ZNF124: variants seen among roughly 807,000 people sequenced by gnomAD.
ZNF124 encodes zinc finger protein HZF-16.
Under a neutral mutation model 26.6 loss-of-function variants are expected in ZNF124, and 25 were observed. The observed-to-expected ratio is 0.94, with a 90% CI of 0.68 to 1.31. ZNF124 has a LOEUF of 1.31. Among genes scored for constraint, ZNF124 ranks in the 40% most tolerant of loss-of-function variants. The probability of loss-of-function intolerance (pLI) is 0.00; values close to 1 mark genes in which losing one functional copy is unlikely to be tolerated. For missense variants in ZNF124, 444 were observed against 422.2 expected (o/e 1.05, Z -0.45); for synonymous variants, 129 against 133.3 (o/e 0.97, Z 0.22).
intron 3 of ZNF124, among the ~76,000 whole-genome samples, chr1:247,141,607 T>G (rs1157601330): frequency 6.6e-6 from 1 of 152,106 alleles, no homozygotes; most frequent in African/African-American, 2.4e-5. Context: ...GGGGCTGTCA[T>G]ATGCCTCTGG....
At position 247,156,072 on chromosome 1, in the gene ZNF124, A is replaced by G. The variant is rs1460401969; in HGVS notation, c.*494T>C. On this transcript the variant is annotated 3_prime_UTR_variant, in exon 4 of 4. Transcript: ENST00000543802. The stretch of plus-strand genomic sequence containing the variant: ...CATAATATTTACATTTACAGGATTT[A>G]TTTCCAGTGGGAGTTTTCACATGAC... 3.1e-6 allele frequency: 3 copies of G among 974,962 alleles called. No individual in the cohort carries two copies. Among genetic ancestry groups the G allele is most frequent in the Non-Finnish European group, 3.7e-6 (3 of 820,522 alleles). The allele number at this position is 974,962 out of a possible 1,614,324, so 60.4% of individuals were successfully genotyped here.
chr1:247,143,457 A>G (rs1371967562), intron 3 of ZNF124, among the ~76,000 whole-genome samples: 3 of 152,052 alleles, frequency 2.0e-5, no homozygotes, highest in Non-Finnish European at 2.9e-5. Context: ...TGGTATTCTG[A>G]TCTACAGAAA....
chr1:247,152,750 G>GT (rs1001414320), downstream of ZNF124, among the ~76,000 whole-genome samples: 4 of 152,158 alleles, frequency 2.6e-5, no homozygotes, highest in Non-Finnish European at 4.4e-5. Flanking sequence ...TATACTGTCA[G>GT]TTTCTTGTAA....
chr1:247,132,272 A>C (rs1672385274), intron 3 of ZNF124, among the ~76,000 whole-genome samples: 1 of 151,690 alleles, frequency 6.6e-6, no homozygotes, highest in Admixed American at 6.6e-5. Flanking sequence ...CCCTCAGAAA[A>C]ACCCCATCCA....
At chr1:247,130,480 G>A (rs1490920578) in intron 3 of ZNF124, among the ~76,000 whole-genome samples, 9 of 152,318 alleles carry the variant, frequency 5.9e-5, no homozygotes, top group South Asian at 2.1e-4. Context: ...TGTGCCGAGC[G>A]GAGATTCTGT....
chr1:247,142,687 T>A (rs937132352), intron 3 of ZNF124, among the ~76,000 whole-genome samples: 11 of 152,200 alleles, frequency 7.2e-5, no homozygotes, highest in African/African-American at 2.4e-4. Flanking sequence ...TTCATTTTCT[T>A]ACACAGAATC....
rs189039219 is a variant in ZNF124 at position 247,157,000 on chromosome 1, A to G, written c.622T>C (p.Cys208Arg). The change falls in exon 4 of 4, where the codon TGT (cysteine) becomes CGT (arginine). Residue 208 changes from cysteine (C) to arginine (R), a missense_variant. Coordinates refer to ENST00000543802, the MANE Select transcript of ZNF124 (RefSeq NM_001297568.2). ...CGGAAGGCTTTCCCACAGTGCTTAC[A>G]TTCATAGGGTTTCTCTCCAGTATGA... ...RTHTGEKPYE[C>R]KHCGKAFRYS... 16 of 1,613,998 alleles carry G rather than the reference A, an allele frequency of 9.9e-6. No individual in the cohort carries two copies. In the Admixed American group the frequency reaches 1.5e-4, roughly 15 times the overall value.
intron 2 of ZNF124, 145 bp from the exon 3 acceptor site, chr1:247,159,211 G>C (rs1673337581): frequency 1.5e-6 from 1 of 676,488 alleles, no homozygotes; most frequent in Non-Finnish European, 2.4e-6. Flanking sequence ...CATTGTTTGT[G>C]TTATGGGTAC....
At position 247,156,933 on chromosome 1, in the gene ZNF124, C is replaced by A. The variant is rs768979801; in HGVS notation, c.689G>T (p.Gly230Val). The A allele has an allele frequency of 1.2e-6, 2 of 1,613,648 alleles. No homozygotes were observed. The highest frequency in any genetic ancestry group is 2.2e-5 in the South Asian group (2 of 91,068). The change falls in exon 4 of 4, where the codon GGA (glycine) becomes GTA (valine). Residue 230 changes from glycine (G) to valine (V), a missense_variant. Gly to Val is a moderately radical substitution (Grantham distance 109, BLOSUM62 -3). Coordinates refer to ENST00000543802, the MANE Select transcript of ZNF124 (RefSeq NM_001297568.2). The stretch of plus-strand genomic sequence containing the variant: ...TTCCATGCACACATAAGGTTTCTCT[C>A]CAGTGTGAGTTCTTTCATGGTAATG... The part of the protein sequence containing the change: ...CLHYHERTHT[G>V]EKPYVCMECG...
chr1:247,140,373 G>T (rs746831413), intron 3 of ZNF124, among the ~76,000 whole-genome samples: 3 of 152,104 alleles, frequency 2.0e-5, no homozygotes, highest in Non-Finnish European at 4.4e-5. Context: ...TTGTCTTTCA[G>T]CTCCAGTGAT....
chr1:247,134,372 A>T (rs11803835), intron 3 of ZNF124, among the ~76,000 whole-genome samples: 7,738 of 152,280 alleles, frequency 0.051, 237 homozygotes, highest in African/African-American at 0.078. Context: ...CTTATGTGCA[A>T]AGACACACAT....
chr1:247,123,964 G>T (rs1339974246), intron 3 of ZNF124: 1 of 697,172 alleles, frequency 1.4e-6, no homozygotes, highest in African/African-American at 1.8e-5. Flanking sequence ...TTTTAGCTGG[G>T]ACTACAGGCA....
intron 3 of ZNF124, among the ~76,000 whole-genome samples, chr1:247,133,868 G>T (rs1255276004): frequency 6.6e-6 from 1 of 151,884 alleles, no homozygotes; most frequent in Non-Finnish European, 1.5e-5. Context: ...AGTCAGGCTG[G>T]CCTCAAACTC....
chr1:247,152,127 C>A (rs1338838515), downstream of ZNF124, among the ~76,000 whole-genome samples: 7 of 149,434 alleles, frequency 4.7e-5, no homozygotes, highest in African/African-American at 1.7e-4. Flanking sequence ...TGGTGCTATC[C>A]ACTTAGGACA....
intron 3 of ZNF124, among the ~76,000 whole-genome samples, chr1:247,124,863 T>C (rs150229618): frequency 0.031 from 4,667 of 152,246 alleles, 250 homozygotes; most frequent in African/African-American, 0.11. Context: ...AGTGGTGTGA[T>C]CATGGCTTAC....
intron 3 of ZNF124, among the ~76,000 whole-genome samples, chr1:247,125,532 A>G (rs1172186043): frequency 1.5e-5 from 2 of 137,786 alleles, no homozygotes; most frequent in East Asian, 4.3e-4. Flanking sequence ...TCCCGTTTCA[A>G]GGGATTCTCC....
rs139033734 is a variant in ZNF124, at chr1:247,156,752, A to G, written c.870T>C (p.Tyr290=). 19 of 1,613,066 alleles carry G rather than the reference A, an allele frequency of 1.2e-5. No homozygotes were observed. Among genetic ancestry groups the G allele is most frequent in the South Asian group, 7.7e-5 (7 of 90,980 alleles). Residue 290 remains tyrosine (Y), a synonymous_variant, in exon 4 of 4, where the codon TAT becomes TAC. Transcript: ENST00000543802. ...HEKTHIAQKP[Y]VCNNCGKGFR... is the part of the protein sequence containing the mutation. ...AGCCTTTACCACAATTGTTACATACATAGGGTTTCTGTGCAATATGAGTTT... is the reference window on the plus strand; with the variant it reads ...AGCCTTTACCACAATTGTTACATACGTAGGGTTTCTGTGCAATATGAGTTT...
At chr1:247,146,341 A>G (rs2103109657) in intron 3 of ZNF124, among the ~76,000 whole-genome samples, 1 of 152,344 alleles carries the variant, frequency 6.6e-6, no homozygotes, top group East Asian at 1.9e-4. Context: ...CTTCTAGAAT[A>G]CATTATTTAT....
At chr1:247,124,081 G>T (rs1672148810) in intron 3 of ZNF124, among the ~76,000 whole-genome samples, 1 of 151,994 alleles carries the variant, frequency 6.6e-6, no homozygotes. Context: ...GCCCGCCTCG[G>T]CCTCCCAAAG....
Sources: allele counts gnomAD v4.1 joint callset (sites outside exome capture counted in the v4.1 genomes callset), GRCh38; gene constraint gnomAD v4.1.1; transcripts MANE v1.5; gene names NCBI Gene and HGNC (gene_info 2026-07-23, HGNC 2026-07-21).